The following RANBP3 variants were observed in gnomAD, a reference collection of about 807,000 sequenced individuals.
The protein encoded by RANBP3 is ran-binding protein 3.
In RANBP3, 14 loss-of-function variants were observed where a neutral mutation model predicts 77.3. The ratio of observed to expected loss-of-function variants is 0.18; its 90% CI spans 0.12 to 0.28. RANBP3 has a LOEUF of 0.28. Ranked by LOEUF, RANBP3 falls within the 10% of genes least tolerant of loss-of-function variation. The probability of loss-of-function intolerance (pLI) is 1.00; values close to 1 mark genes in which losing one functional copy is unlikely to be tolerated. For synonymous variants in RANBP3, 315 were observed against 312.4 expected (o/e 1.01, Z -0.09); for missense variants, 586 against 752.3 (o/e 0.78, Z 2.59).
chr19:5,951,905 G>A (rs1480029193), intron 2 of RANBP3, among the ~76,000 whole-genome samples: 1 of 152,206 alleles, frequency 6.6e-6, no homozygotes, highest in Non-Finnish European at 1.5e-5. Flanking sequence ...TTGGCTTACG[G>A]GCCTTGGTGA....
chr19:5,931,058 C>T (rs1444481701), intron 8 of RANBP3, among the ~76,000 whole-genome samples: 2 of 152,188 alleles, frequency 1.3e-5, no homozygotes, highest in African/African-American at 4.8e-5. Flanking sequence ...TGCAGTGGTT[C>T]AGGTCCTCCC....
At chr19:5,961,530 C>A (rs540000670) in intron 1 of RANBP3, among the ~76,000 whole-genome samples, 1 of 152,022 alleles carries the variant, frequency 6.6e-6, no homozygotes, top group East Asian at 1.9e-4. Context: ...GTCGGGAGTT[C>A]GAGACCAGCC....
In RANBP3 at chr19:5,925,868, TGTGTGTGCGC is replaced by T. The variant is rs890820992; in HGVS notation, c.814-141_814-132del. On this transcript the variant is annotated intron_variant, in intron 9 of 16. Coordinates refer to ENST00000340578, the MANE Select transcript of RANBP3 (RefSeq NM_007322.3). Reference sequence around the variant, plus strand: ...ATGAACCCTCTCCTGTACCCGCCTGTGTGTGTGCGCGTGCATGTGCTGGGGGGCAGGGCTA... The same window carrying T: ...ATGAACCCTCTCCTGTACCCGCCTGTGTGCATGTGCTGGGGGGCAGGGCTA... The T allele has an allele frequency of 4.3e-4, 285 of 666,358 alleles. 1 individual carries two copies. The highest frequency in any genetic ancestry group is 9.2e-5 in the Non-Finnish European group (34 of 371,550). The allele number at this position is 666,358 out of a possible 1,614,324, so 41.3% of individuals were successfully genotyped here.
intron 10 of RANBP3, 39 bp downstream of exon 10, chr19:5,925,595 T>C (rs758205032): frequency 6.3e-7 from 1 of 1,580,902 alleles, no homozygotes; most frequent in South Asian, 1.1e-5. Flanking sequence ...GCCACCTGCA[T>C]CGCCATGCCA....
intron 1 of RANBP3, among the ~76,000 whole-genome samples, chr19:5,977,183 C>T (rs377530229): frequency 3.9e-5 from 6 of 152,218 alleles, no homozygotes; most frequent in East Asian, 1.9e-4. Context: ...AGAGAGCTTG[C>T]CTGCATTTGT....
chr19:5,956,548 T>C (rs925672232), intron 2 of RANBP3, among the ~76,000 whole-genome samples: 8 of 152,090 alleles, frequency 5.3e-5, no homozygotes, highest in African/African-American at 1.4e-4. Flanking sequence ...AAAGTAACAA[T>C]GGGAAAGTTT....
intron 8 of RANBP3, among the ~76,000 whole-genome samples, chr19:5,929,608 TC>T (rs2057960966): frequency 6.6e-6 from 1 of 152,222 alleles, no homozygotes; most frequent in Non-Finnish European, 1.5e-5. Context: ...GGAAGCCTCT[TC>T]CCCACTTTCC....
At chr19:5,973,388 G>A (rs919269497) in intron 1 of RANBP3, among the ~76,000 whole-genome samples, 2 of 152,176 alleles carry the variant, frequency 1.3e-5, no homozygotes, top group African/African-American at 4.8e-5. Context: ...GGGGGACACT[G>A]GGACGGAGAC....
chr19:5,970,010 G>C (rs1375369249), intron 1 of RANBP3, among the ~76,000 whole-genome samples: 1 of 152,218 alleles, frequency 6.6e-6, no homozygotes, highest in Non-Finnish European at 1.5e-5. Flanking sequence ...TCACCCAGGA[G>C]TAACTTCATC....
At chr19:5,957,213 C>A (rs866494720) in intron 2 of RANBP3, among the ~76,000 whole-genome samples, 1 of 152,206 alleles carries the variant, frequency 6.6e-6, no homozygotes, top group Non-Finnish European at 1.5e-5. Flanking sequence ...CCACACCGAT[C>A]TGTCAGGGAG....
At chr19:5,967,065 G>A (rs989242851) in intron 1 of RANBP3, among the ~76,000 whole-genome samples, 24 of 152,214 alleles carry the variant, frequency 1.6e-4, no homozygotes, top group Admixed American at 7.8e-4. Flanking sequence ...TCACTGACGT[G>A]TCAGGTCTGT....
Position 5,929,438 on chromosome 19 carries a change from C to CAA in RANBP3, c.694-1352_694-1351insTT, listed in dbSNP as rs1215797051. ...GCTAATCCCGGGTGGGTGGAGCCCACAGAGTCACCTGAGATGGGGCAGGCA... is the reference window on the plus strand; with the variant it reads ...GCTAATCCCGGGTGGGTGGAGCCCACAAAGAGTCACCTGAGATGGGGCAGGCA... On this transcript the variant is annotated intron_variant, in intron 8 of 16. Coordinates refer to ENST00000340578, the MANE Select transcript of RANBP3 (RefSeq NM_007322.3). 2.0e-5 allele frequency among the ~76,000 whole-genome samples: 3 copies of CAA among 152,084 alleles called. No individual in the cohort carries two copies. The East Asian group carries it at 5.9e-4, about 30-fold the overall frequency.
intron 5 of RANBP3, chr19:5,935,579 C>T (rs2058053017): frequency 2.8e-6 from 1 of 357,824 alleles, no homozygotes; most frequent in South Asian, 2.0e-5. Flanking sequence ...TACTGCCCTT[C>T]CACACTCCGC....
intron 1 of RANBP3, among the ~76,000 whole-genome samples, chr19:5,975,936 C>T (rs533036820): frequency 8.6e-5 from 13 of 151,770 alleles, no homozygotes; most frequent in Admixed American, 2.0e-4. Context: ...CAGAGAGTGG[C>T]GAGAGAGAAG....
At chr19:5,919,794 G>A (rs374381901) in intron 14 of RANBP3, among the ~76,000 whole-genome samples, 2 of 151,988 alleles carry the variant, frequency 1.3e-5, no homozygotes, top group East Asian at 1.9e-4. Flanking sequence ...CCAGCTGCTC[G>A]GGAGGCCGAG....
At chr19:5,931,896 G>A (rs1019537818) in intron 7 of RANBP3, among the ~76,000 whole-genome samples, 3 of 152,010 alleles carry the variant, frequency 2.0e-5, no homozygotes, top group African/African-American at 7.2e-5. Context: ...CTGGCTGGGT[G>A]TGGTGGTGCA....
Position 5,923,827 on chromosome 19 carries a change from C to G in RANBP3, c.1084G>C (p.Ala362Pro). 6 of 1,613,310 alleles carry G rather than the reference C, an allele frequency of 3.7e-6. No homozygotes were observed. Among genetic ancestry groups the G allele is most frequent in the Non-Finnish European group, 5.1e-6 (6 of 1,179,238 alleles). Residue 362 changes from alanine to proline, a missense_variant, in exon 12 of 17, where the codon GCC becomes CCC. Physicochemically the swap from Ala to Pro is conservative, Grantham distance 27. Coordinates refer to ENST00000340578, the MANE Select transcript of RANBP3 (RefSeq NM_007322.3). The part of the protein sequence containing the change: ...ESGSESSSQE[A>P]TPEKESLAES... ...GCTAACATACCTTTCTCAGGGGTGG[C>G]CTCCTGGGACGAGGACTCAGACCCT...
Position 5,917,884 on chromosome 19 carries a change from G to A in RANBP3, c.1570C>T (p.Pro524Ser). Reference sequence around the variant, plus strand: ...GGGGCTGCCCCAGGCTCAGGCGCGGGCATCTTGGCCTCCTGCTCCTGCTCC... The same window carrying A: ...GGGGCTGCCCCAGGCTCAGGCGCGGACATCTTGGCCTCCTGCTCCTGCTCC... Reference protein sequence around the residue: ...RVEQEQEAKMPAPEPGAAPSN... With the variant: ...RVEQEQEAKMSAPEPGAAPSN... The change falls in exon 16 of 17, where the codon CCC becomes TCC. Residue 524 changes from proline (P) to serine (S), a missense_variant. Pro to Ser is a moderately conservative substitution (Grantham distance 74, BLOSUM62 -1). Coordinates refer to ENST00000340578, the MANE Select transcript of RANBP3 (RefSeq NM_007322.3). 1 of 1,612,762 alleles carries A rather than the reference G, an allele frequency of 6.2e-7. No homozygotes were observed. The highest frequency in any genetic ancestry group is 8.5e-7 in the Non-Finnish European group (1 of 1,179,932).
intron 1 of RANBP3, among the ~76,000 whole-genome samples, chr19:5,973,583 G>C (rs1230402845): frequency 2.0e-5 from 3 of 152,166 alleles, no homozygotes; most frequent in African/African-American, 7.2e-5. Context: ...TAAGTGACAG[G>C]CAGGACAGAA....
Sources: gnomAD v4.1 joint callset for allele counts (sites outside exome capture counted in the v4.1 genomes callset) on GRCh38, gnomAD v4.1.1 for gene constraint, MANE v1.5 for transcripts, NCBI Gene and HGNC (gene_info 2026-07-23, HGNC 2026-07-21) for gene names.